The following PLCXD3 variants were observed in gnomAD, a reference collection of about 807,000 sequenced individuals.
PLCXD3 encodes the protein phosphatidylinositol specific phospholipase C X domain containing 3, also known as PI-PLC X domain-containing protein 3.
PLCXD3 carries 19 observed loss-of-function variants against 25.5 expected under a neutral mutation model. The ratio of observed to expected loss-of-function variants is 0.75; its 90% confidence interval spans 0.52 to 1.09. The LOEUF is 1.09. PLCXD3 is among the 50% of genes least tolerant of loss of function. The pLI is 0.00. For missense variants in PLCXD3, 411 were observed against 388.1 expected, an observed-to-expected ratio of 1.06 and a Z score of -0.50; for synonymous variants, 174 against 137.6, an observed-to-expected ratio of 1.26 and a Z score of -1.85.
chr5:41,479,515 A>T (rs376869538), intron 1 of PLCXD3, among the ~76,000 whole-genome samples: 30 of 152,116 alleles, frequency 2.0e-4, no homozygotes, highest in Middle Eastern at 3.4e-3. Flanking sequence ...TTACCTTGAT[A>T]AAAAAAACTG....
At chr5:41,476,697 T>G (rs969411083) in intron 1 of PLCXD3, among the ~76,000 whole-genome samples, 1 of 152,240 alleles carries the variant, frequency 6.6e-6, no homozygotes, top group Non-Finnish European at 1.5e-5. Flanking sequence ...ATCTTAGCTG[T>G]GAATGTGACC....
rs1743101809 is a variant in PLCXD3 at position 41,310,166 on chromosome 5, G to T, written c.*3451C>A. The stretch of plus-strand genomic sequence containing the variant: ...AGGTCATCATATAGAATATCCTAAG[G>T]CTTTTAAAAGATGCCTCCTCATTCT... On this transcript the variant is annotated 3_prime_UTR_variant, in exon 3 of 3. Transcript: ENST00000377801. 1 of 152,064 alleles carries T rather than the reference G, an allele frequency of 6.6e-6. No homozygotes were observed. Among genetic ancestry groups the T allele is most frequent in the Non-Finnish European group, 1.5e-5 (1 of 67,982 alleles). 9.4% of individuals were successfully genotyped at this position (152,064 alleles called of 1,614,324 possible).
chr5:41,431,667 A>G (rs753923305), intron 1 of PLCXD3, among the ~76,000 whole-genome samples: 15 of 152,108 alleles, frequency 9.9e-5, no homozygotes, highest in Non-Finnish European at 2.1e-4. Flanking sequence ...TATCTGTTTT[A>G]TTTGATTGTT....
At chr5:41,481,686 C>A (rs1320668906) in intron 1 of PLCXD3, among the ~76,000 whole-genome samples, 1 of 152,238 alleles carries the variant, frequency 6.6e-6, no homozygotes, top group Non-Finnish European at 1.5e-5. Flanking sequence ...ACTGCCACCA[C>A]ACCTGAAAGA....
intron 1 of PLCXD3, among the ~76,000 whole-genome samples, chr5:41,500,025 C>A (rs1748919805): frequency 6.6e-6 from 1 of 151,614 alleles, no homozygotes; most frequent in African/African-American, 2.4e-5. Context: ...TCTCAAAGAA[C>A]TAAAAATAGA....
intron 1 of PLCXD3, among the ~76,000 whole-genome samples, chr5:41,392,771 A>C (rs890429504): frequency 1.0e-5 from 1 of 100,238 alleles, no homozygotes; most frequent in Non-Finnish European, 2.4e-5. Flanking sequence ...TCAGATAGAA[A>C]ATTCAAAATA....
At chr5:41,510,275 C>A in intron 1 of PLCXD3, 149 bp downstream of exon 1, 1 of 674,836 alleles carries the variant, frequency 1.5e-6, no homozygotes, top group Non-Finnish European at 2.5e-6. Context: ...GGCTACCCGG[C>A]ACGCGCTCGC....
intron 1 of PLCXD3, among the ~76,000 whole-genome samples, chr5:41,399,168 C>G (rs980793727): frequency 6.6e-6 from 1 of 152,006 alleles, no homozygotes; most frequent in Admixed American, 6.6e-5. Context: ...ATAAGGAAAA[C>G]TATAAACTGA....
chr5:41,494,813 A>T (rs1231854195), intron 1 of PLCXD3, among the ~76,000 whole-genome samples: 1 of 152,216 alleles, frequency 6.6e-6, no homozygotes, highest in Middle Eastern at 3.2e-3. Flanking sequence ...AACAATAGAA[A>T]AAAGGAGTCA....
At chr5:41,431,352 G>A (rs1580370123) in intron 1 of PLCXD3, among the ~76,000 whole-genome samples, 2 of 152,166 alleles carry the variant, frequency 1.3e-5, no homozygotes, top group East Asian at 3.8e-4. Context: ...GGTTTGCAAA[G>A]TTAAAAGACA....
intron 2 of PLCXD3, among the ~76,000 whole-genome samples, chr5:41,320,589 C>T (rs1437558353): frequency 5.9e-5 from 9 of 152,204 alleles, no homozygotes; most frequent in East Asian, 3.9e-4. Flanking sequence ...CTCCACCTCC[C>T]GGGTTCACAC....
chr5:41,316,551 C>T (rs1459393646), intron 2 of PLCXD3, among the ~76,000 whole-genome samples: 1 of 152,210 alleles, frequency 6.6e-6, no homozygotes, highest in Non-Finnish European at 1.5e-5. Context: ...ACCAAGCAGA[C>T]TCTTAGAGTC....
chr5:41,380,913 A>T (rs1273688141), intron 2 of PLCXD3, among the ~76,000 whole-genome samples: 1 of 152,138 alleles, frequency 6.6e-6, no homozygotes, highest in Non-Finnish European at 1.5e-5. Flanking sequence ...ATTATACCTC[A>T]CAGGTAATGA....
chr5:41,434,937 T>C (rs1438617398), intron 1 of PLCXD3, among the ~76,000 whole-genome samples: 1 of 152,168 alleles, frequency 6.6e-6, no homozygotes, highest in Non-Finnish European at 1.5e-5. Flanking sequence ...ATATAATTTT[T>C]GTTCTCCTTA....
intron 2 of PLCXD3, among the ~76,000 whole-genome samples, chr5:41,323,075 G>A (rs1167404772): frequency 6.6e-6 from 1 of 152,136 alleles, no homozygotes; most frequent in Non-Finnish European, 1.5e-5. Flanking sequence ...GCAACGACAT[G>A]CATGGAACTG....
At chr5:41,483,720 A>G (rs1016795755) in intron 1 of PLCXD3, among the ~76,000 whole-genome samples, 12 of 152,164 alleles carry the variant, frequency 7.9e-5, no homozygotes, top group African/African-American at 2.9e-4. Context: ...TACATTATGT[A>G]TATTTACAAC....
chr5:41,409,063 T>C (rs1193553062), intron 1 of PLCXD3, among the ~76,000 whole-genome samples: 2 of 152,228 alleles, frequency 1.3e-5, no homozygotes, highest in African/African-American at 2.4e-5. Context: ...GTTGCTTGTG[T>C]CATTATTTTG....
In PLCXD3 at chr5:41,309,305, A is replaced by G. The variant is rs886177496; in HGVS notation, c.*4312T>C. The G allele has an allele frequency of 6.6e-6, 1 of 152,614 alleles. No homozygotes were observed. Among genetic ancestry groups the G allele is most frequent in the Non-Finnish European group, 1.5e-5 (1 of 68,020 alleles). The allele number at this position is 152,614 out of a possible 1,614,324, so 9.5% of individuals were successfully genotyped here. Reference sequence around the variant, plus strand: ...ATTGGGAAAACAAACAATTTAGAGCATTATTTAAAACTGTATGTAACACAG... The same window carrying G: ...ATTGGGAAAACAAACAATTTAGAGCGTTATTTAAAACTGTATGTAACACAG... On this transcript the variant is annotated 3_prime_UTR_variant, in exon 3 of 3. Transcript: ENST00000377801.
chr5:41,376,456 C>A (rs531360597), intron 2 of PLCXD3, among the ~76,000 whole-genome samples: 1 of 152,094 alleles, frequency 6.6e-6, no homozygotes, highest in South Asian at 2.1e-4. Context: ...TAATATATGC[C>A]TAATTCAGCT....
Sources: gnomAD v4.1 joint callset for allele counts (sites outside exome capture counted in the v4.1 genomes callset) on GRCh38, gnomAD v4.1.1 for gene constraint, MANE v1.5 for transcripts, NCBI Gene and HGNC (gene_info 2026-07-23, HGNC 2026-07-21) for gene names.